The following CADM2 variants were observed in gnomAD, a reference collection of about 807,000 sequenced individuals.
CADM2 encodes cell adhesion molecule 2.
In CADM2, 12 loss-of-function variants were observed where a neutral mutation model predicts 49.8. The observed-to-expected ratio is 0.24, with a 90% CI of 0.15 to 0.39. The LOEUF is 0.39. CADM2 is among the 10% of genes least tolerant of loss of function. The probability of loss-of-function intolerance (pLI) is 1.00; values close to 1 mark genes in which losing one functional copy is unlikely to be tolerated. For missense variants in CADM2, 378 were observed against 492.3 expected (o/e 0.77, Z 2.20); for synonymous variants, 214 against 175.4 (o/e 1.22, Z -1.74).
chr3:85,323,802 C>A (rs2107117891), intron 1 of CADM2, among the ~76,000 whole-genome samples: 1 of 152,300 alleles, frequency 6.6e-6, no homozygotes, highest in East Asian at 1.9e-4. Flanking sequence ...GCTCCAATAT[C>A]ATCCTCTATA....
intron 1 of CADM2, among the ~76,000 whole-genome samples, chr3:85,178,922 C>G (rs1187842300): frequency 6.6e-6 from 1 of 151,714 alleles, no homozygotes; most frequent in Non-Finnish European, 1.5e-5. Context: ...ACTTGGAATG[C>G]TACAATTGAA....
chr3:85,894,998 C>T (rs935899823), intron 5 of CADM2, among the ~76,000 whole-genome samples: 3 of 152,220 alleles, frequency 2.0e-5, no homozygotes, highest in Admixed American at 6.5e-5. Context: ...TAATTGGGGT[C>T]ATAACCCCCA....
intron 1 of CADM2, among the ~76,000 whole-genome samples, chr3:85,189,950 ATTTTT>A (rs141488458): frequency 1.3e-4 from 9 of 71,054 alleles, no homozygotes; most frequent in Admixed American, 1.6e-4. Flanking sequence ...GGTCTCCCTC[ATTTTT>A]TTTTTTTTTT....
chr3:85,307,359 T>C (rs1210708565), intron 1 of CADM2, among the ~76,000 whole-genome samples: 1 of 151,702 alleles, frequency 6.6e-6, no homozygotes, highest in Non-Finnish European at 1.5e-5. Context: ...ATACTTGGCC[T>C]GATGAAAGAG....
intron 1 of CADM2, among the ~76,000 whole-genome samples, chr3:85,590,500 C>A (rs891386830): frequency 3.9e-5 from 6 of 151,910 alleles, no homozygotes; most frequent in East Asian, 3.9e-4. Flanking sequence ...TGAAAGAAGA[C>A]TTGAAAGCAA....
At chr3:85,174,116 T>A (rs1467050340) in intron 1 of CADM2, among the ~76,000 whole-genome samples, 3 of 152,084 alleles carry the variant, frequency 2.0e-5, no homozygotes, top group Admixed American at 2.0e-4. Flanking sequence ...CCCCATCTCA[T>A]TGTTGGGCAG....
chr3:85,689,391 GA>G (rs1227384900), intron 1 of CADM2, among the ~76,000 whole-genome samples: 1 of 151,980 alleles, frequency 6.6e-6, no homozygotes, highest in Non-Finnish European at 1.5e-5. Flanking sequence ...ACCAATACAA[GA>G]ACAATGAAAC....
chr3:85,912,843 G>A (rs1362342824), intron 6 of CADM2, among the ~76,000 whole-genome samples: 1 of 152,056 alleles, frequency 6.6e-6, no homozygotes, highest in African/African-American at 2.4e-5. Context: ...AGTAATTTGA[G>A]CAAAATCACT....
chr3:85,874,139 TAAG>T (rs1453585942), intron 3 of CADM2, among the ~76,000 whole-genome samples: 1 of 152,154 alleles, frequency 6.6e-6, no homozygotes, highest in African/African-American at 2.4e-5. Flanking sequence ...TTGTGTACTC[TAAG>T]AAGTTGTTTA....
chr3:85,925,154 A>ACCC (rs1216393272), intron 6 of CADM2, among the ~76,000 whole-genome samples: 1 of 71,034 alleles, frequency 1.4e-5, no homozygotes, highest in African/African-American at 1.7e-4. Context: ...TGTATAATCT[A>ACCC]TCCTGGCAAC....
intron 1 of CADM2, among the ~76,000 whole-genome samples, chr3:85,129,673 C>T (rs148729482): frequency 1.3e-3 from 199 of 152,260 alleles, no homozygotes; most frequent in African/African-American, 4.3e-3. Context: ...GATATTCTCC[C>T]AGATCAATTA....
chr3:85,339,370 A>G (rs917250170), intron 1 of CADM2, among the ~76,000 whole-genome samples: 1 of 151,452 alleles, frequency 6.6e-6, no homozygotes, highest in African/African-American at 2.4e-5. Context: ...AACAAGTGTA[A>G]TATCATATAA....
At chr3:85,255,194 C>T (rs1576220529) in intron 1 of CADM2, among the ~76,000 whole-genome samples, 1 of 152,060 alleles carries the variant, frequency 6.6e-6, no homozygotes, top group South Asian at 2.1e-4. Context: ...ATTCCGTACA[C>T]TCCTTTATTT....
chr3:85,409,792 G>C (rs1418850828), intron 1 of CADM2, among the ~76,000 whole-genome samples: 1 of 152,056 alleles, frequency 6.6e-6, no homozygotes, highest in African/African-American at 2.4e-5. Flanking sequence ...CCTGTCACTA[G>C]ATGTGAAAGA....
intron 2 of CADM2, among the ~76,000 whole-genome samples, chr3:85,778,855 C>CA (rs2070488449): frequency 6.6e-6 from 1 of 152,156 alleles, no homozygotes; most frequent in South Asian, 2.1e-4. Flanking sequence ...CTCCTCTGAC[C>CA]AAAAAATCTT....
intron 1 of CADM2, among the ~76,000 whole-genome samples, chr3:84,989,259 T>G (rs2032754664): frequency 6.6e-6 from 1 of 152,180 alleles, no homozygotes. Flanking sequence ...TTCACAGAGC[T>G]TTTAACCTAG....
intron 1 of CADM2, among the ~76,000 whole-genome samples, chr3:85,311,950 A>C (rs1227081568): frequency 1.3e-5 from 2 of 152,348 alleles, no homozygotes; most frequent in East Asian, 3.9e-4. Flanking sequence ...ATAGCATATT[A>C]GGCAAGCGTC....
Position 84,984,356 on chromosome 3 carries a change from TAAAAAAAAAA to T in CADM2, c.61+24708_61+24717del, listed in dbSNP as rs375702349. Reference sequence around the variant, plus strand: ...CCTCATAGCCACCTCAAGATTAAGCTAAAAAAAAAAAAAAAAAAAAAAAAAAAAACACTTG... The same window carrying T: ...CCTCATAGCCACCTCAAGATTAAGCTAAAAAAAAAAAAAAAAAAACACTTG... On this transcript the variant is annotated intron_variant, in intron 1 of 9. Coordinates refer to ENST00000383699, the MANE Select transcript of CADM2 (RefSeq NM_001167675.2). Among the ~76,000 whole-genome samples the T allele has an allele frequency of 9.2e-3, 620 of 67,076 alleles. 7 individuals are homozygous for T. The East Asian group carries it at 0.14, about 15-fold the overall frequency. The allele number at this position is 67,076 out of a possible 152,430, so 44.0% of individuals were successfully genotyped here. A position where few individuals can be genotyped will look rare whatever the true frequency, so the allele number is the denominator to read the frequency against.
At chr3:85,487,747 C>T (rs1559864981) in intron 1 of CADM2, among the ~76,000 whole-genome samples, 5 of 148,594 alleles carry the variant, frequency 3.4e-5, no homozygotes, top group Admixed American at 2.7e-4. Context: ...TGCGTGTGTG[C>T]GTGTGTGTGC....
Sources: allele counts gnomAD v4.1 joint callset (sites outside exome capture counted in the v4.1 genomes callset), GRCh38; gene constraint gnomAD v4.1.1; transcripts MANE v1.5; gene names NCBI Gene and HGNC (gene_info 2026-07-23, HGNC 2026-07-21).